Variants in MYH3 observed in about 807,000 individuals in gnomAD.
MYH3 encodes the protein myosin heavy chain 3, also known as myosin-3.
Under a neutral mutation model 238.0 loss-of-function variants are expected in MYH3, and 130 were observed. That is an observed-to-expected ratio of 0.55 (90% CI 0.47 to 0.63). MYH3 has a LOEUF of 0.63. MYH3 is among the 30% of genes least tolerant of loss of function. MYH3 has a pLI of 0.00. For synonymous variants in MYH3, 880 were observed against 924.1 expected (o/e 0.95, Z 0.86); for missense variants, 1,853 against 2,374.9 (o/e 0.78, Z 4.57).
the MYH3 span, chr17:10,677,527 A>G: frequency 6.6e-6 from 1 of 152,198 alleles, no homozygotes; most frequent in African/African-American, 2.4e-5. Context: ...TAAATTTAAG[A>G]ACAATAAAAG....
chr17:10,668,192 T>A, the MYH3 span, among the ~76,000 whole-genome samples: 31,083 of 152,192 alleles, frequency 0.2, 3,411 homozygotes, highest in Non-Finnish European at 0.25. Flanking sequence ...GTCAGGAGTT[T>A]GAGACCAGCC....
the MYH3 span, among the ~76,000 whole-genome samples, chr17:10,667,248 T>TA: frequency 3.9e-4 from 60 of 152,320 alleles, no homozygotes; most frequent in African/African-American, 1.3e-3. Flanking sequence ...TCACAAATAC[T>TA]AAAATACTGT....
chr17:10,648,673 A>G (rs1331581071), intron 7 of MYH3, 24 bp from the exon 8 acceptor site: 1 of 1,558,336 alleles, frequency 6.4e-7, no homozygotes, highest in Admixed American at 1.8e-5. Flanking sequence ...TTGAGGGAAG[A>G]AGAGGAAACA....
At chr17:10,650,597 TG>T (rs2142420906) in intron 5 of MYH3, among the ~76,000 whole-genome samples, 196 bp from the exon 6 acceptor site, 1 of 152,354 alleles carries the variant, frequency 6.6e-6, no homozygotes, top group South Asian at 2.1e-4. Flanking sequence ...AAACAATATT[TG>T]TATATATTTG....
Position 10,639,298 on chromosome 17 carries a change from G to A in MYH3, c.3102C>T (p.Asp1034=), listed in dbSNP as rs1359750024. ...TKSKLEQQVE[D]LESSLEQEKK... The stretch of plus-strand genomic sequence containing the variant: ...CTCCCGATGAGCATTATTTACTTAC[G>A]TCTTCCACTTGCTGTTCCAGTTTGC... Residue 1034 remains aspartate (D), a splice_region_variant and synonymous_variant, in exon 24 of 41, where the codon GAC becomes GAT. Coordinates refer to ENST00000583535, the MANE Select transcript of MYH3 (RefSeq NM_002470.4). The A allele has an allele frequency of 1.1e-5, 18 of 1,613,988 alleles. No homozygotes were observed. Among genetic ancestry groups the A allele is most frequent in the East Asian group, 2.2e-5 (1 of 44,886 alleles).
chr17:10,643,017 T>C, intron 14 of MYH3, 21 bp from the exon 15 acceptor site: 1 of 1,614,134 alleles, frequency 6.2e-7, no homozygotes, highest in South Asian at 1.1e-5. Context: ...AATACAACAT[T>C]CATGTGAAAA....
At chr17:10,636,723 G>A (rs2074219296) in intron 28 of MYH3, among the ~76,000 whole-genome samples, 1 of 152,062 alleles carries the variant, frequency 6.6e-6, no homozygotes, top group African/African-American at 2.4e-5. Flanking sequence ...AGACCAGCCT[G>A]GCCAACACAG....
upstream of MYH3, among the ~76,000 whole-genome samples, chr17:10,659,985 A>G (rs777677265): frequency 1.3e-5 from 2 of 152,186 alleles, no homozygotes; most frequent in Non-Finnish European, 2.9e-5. Context: ...AGAGGTGAGA[A>G]CTGCATGTAC....
At chr17:10,628,996 A>T (rs1221251716) in intron 40 of MYH3, among the ~76,000 whole-genome samples, 1 of 152,038 alleles carries the variant, frequency 6.6e-6, no homozygotes, top group Non-Finnish European at 1.5e-5. Context: ...GCTCAGTGGG[A>T]CCCGCTCGCT....
At chr17:10,652,606 CGTCTT>C in intron 3 of MYH3, 43 bp from the exon 4 acceptor site, 14 of 624,928 alleles carry the variant, frequency 2.2e-5, no homozygotes, top group Non-Finnish European at 3.7e-5. Context: ...ATGGTCTGCA[CGTCTT>C]TTTTTTTTTT....
intron 6 of MYH3, 49 bp from the exon 7 acceptor site, chr17:10,649,734 A>C: frequency 6.5e-7 from 1 of 1,542,670 alleles, no homozygotes; most frequent in Admixed American, 1.7e-5. Context: ...CTGTTAGTAT[A>C]AACAGGCTTT....
the MYH3 span, among the ~76,000 whole-genome samples, chr17:10,670,389 A>G: frequency 1.3e-5 from 2 of 152,194 alleles, no homozygotes; most frequent in Non-Finnish European, 2.9e-5. This position sits in a 1 kb window ranked among gnomAD's most constrained non-coding sequence, Gnocchi z 7.0. Flanking sequence ...TGACCCAGAG[A>G]TAAACTATCT....
intron 14 of MYH3, 120 bp downstream of exon 14, chr17:10,644,231 C>G: frequency 2.9e-6 from 3 of 1,040,858 alleles, no homozygotes; most frequent in South Asian, 1.3e-5. Flanking sequence ...CATCCACTCT[C>G]CATCTAGTTT....
In MYH3 at chr17:10,647,228, G is replaced by C; in HGVS notation, c.852C>G (p.Tyr284Ter). The stretch of plus-strand genomic sequence containing the variant: ...TAGAAAGAATCTGGTAGAAGATGTG[G>C]TAGCTTCTTTCAGCCTTCAGCTGGA... The part of the protein sequence containing the change: ...VTFQLKAERS[Y>*]HIFYQILSNK... The change falls in exon 10 of 41, where the codon TAC (tyrosine) becomes TAG (stop). Residue 284 changes from tyrosine (Y) to a stop codon, truncating the protein, a stop_gained. Transcript: ENST00000583535. LOFTEE classifies it high-confidence loss of function. 6.2e-7 allele frequency: 1 copy of C among 1,614,194 alleles called. No individual in the cohort carries two copies.
At chr17:10,636,242 A>C (rs1410781636) in intron 28 of MYH3, among the ~76,000 whole-genome samples, 1 of 142,864 alleles carries the variant, frequency 7.0e-6, no homozygotes, top group African/African-American at 2.6e-5. Context: ...AATCACTGGA[A>C]CCCAGGAGGT....
At chr17:10,633,369 C>T (rs1291510142) in intron 33 of MYH3, among the ~76,000 whole-genome samples, 3 of 152,158 alleles carry the variant, frequency 2.0e-5, no homozygotes, top group Non-Finnish European at 4.4e-5. Context: ...TGTAAAATCT[C>T]ATCTTTAGGC....
At position 10,651,579 on chromosome 17, in the gene MYH3, T is replaced by C; in HGVS notation, c.438A>G (p.Lys146=). The change falls in exon 5 of 41, where the codon AAA becomes AAG. Residue 146 remains lysine, a synonymous_variant. Coordinates refer to ENST00000583535, the MANE Select transcript of MYH3 (RefSeq NM_002470.4). ...NPEVVEGYRG[K]KRQEAPPHIF... ...TGTGGGGTGGGGCCTCCTGGCGCTT[T>C]TTGCCTCGGTAGCCTTCCACCACCT... 2 of 1,613,940 alleles carry C rather than the reference T, an allele frequency of 1.2e-6. No individual in the cohort carries two copies. Among genetic ancestry groups the C allele is most frequent in the Non-Finnish European group, 1.7e-6 (2 of 1,179,954 alleles).
chr17:10,647,388 C>T lies in MYH3; in HGVS notation c.774G>A (p.Lys258=), dbSNP rs16943598. The T allele has an allele frequency of 1.4e-3, 2,296 of 1,614,232 alleles. 29 individuals are homozygous for T. The African/African-American group carries it at 0.025, about 18-fold the overall frequency. Residue 258 remains lysine, a synonymous_variant, in exon 9 of 41, where the codon AAG becomes AAA. Transcript: ENST00000583535. The part of the protein sequence containing the change: ...FIRIHFGTTG[K]LASADIETYL... Reference sequence around the variant, plus strand: ...AAGTTTCAATATCTGCAGAGGCCAGCTTCCCAGTGGTTCCAAAATGGATTC... The same window carrying T: ...AAGTTTCAATATCTGCAGAGGCCAGTTTCCCAGTGGTTCCAAAATGGATTC...
In MYH3 at chr17:10,647,058, T is replaced by TAAATA. The variant is rs56762662; in HGVS notation, c.898+119_898+123dup. ...GAGTGAGACCCTATCTCAAAATAAA[T>TAAATA]AAATAAAATAAAATAAACTTTCCCT... On this transcript the variant is annotated intron_variant, in intron 10 of 40. Coordinates refer to ENST00000583535, the MANE Select transcript of MYH3 (RefSeq NM_002470.4). 0.037 allele frequency: 28,768 copies of TAAATA among 786,150 alleles called. 923 individuals carry two copies. Among genetic ancestry groups the TAAATA allele is most frequent in the African/African-American group, 0.12 (6,780 of 56,550 alleles). 48.7% of individuals were successfully genotyped at this position (786,150 alleles called of 1,614,324 possible).
Sources: allele counts gnomAD v4.1 joint callset (sites outside exome capture counted in the v4.1 genomes callset), GRCh38; gene constraint gnomAD v4.1.1; non-coding constraint Gnocchi (gnomAD v3.1); transcripts MANE v1.5; gene names NCBI Gene and HGNC (gene_info 2026-07-23, HGNC 2026-07-21).